PCDH9: variants seen among roughly 807,000 people sequenced by gnomAD.
PCDH9 encodes the protein protocadherin-9.
A neutral mutation model predicts 70.6 loss-of-function variants in PCDH9; 24 were observed. The observed-to-expected ratio is 0.34, with a 90% CI of 0.25 to 0.48. The LOEUF (loss-of-function observed/expected upper bound fraction) is 0.48, where lower values mean the gene tolerates loss of function less well. PCDH9 is among the 20% of genes least tolerant of loss of function. The pLI is 0.99. For synonymous variants in PCDH9, 562 were observed against 558.5 expected, an observed-to-expected ratio of 1.01 and a Z score of -0.09; for missense variants, 1,281 against 1,503.6, an observed-to-expected ratio of 0.85 and a Z score of 2.45.
chr13:66,777,592 C>A (rs1278424009), intron 3 of PCDH9, among the ~76,000 whole-genome samples: 1 of 152,048 alleles, frequency 6.6e-6, no homozygotes, highest in Non-Finnish European at 1.5e-5. Context: ...TACCATCTCA[C>A]ACCAGTTAGA....
intron 4 of PCDH9, among the ~76,000 whole-genome samples, chr13:66,584,749 T>C (rs779772741): frequency 1.3e-5 from 2 of 152,022 alleles, no homozygotes; most frequent in South Asian, 4.2e-4. Context: ...GGAATGGTAG[T>C]TGATAGAGGA....
chr13:66,814,840 T>A (rs767663050), intron 3 of PCDH9, among the ~76,000 whole-genome samples: 1 of 152,118 alleles, frequency 6.6e-6, no homozygotes, highest in Non-Finnish European at 1.5e-5. Flanking sequence ...ATTCTGGACA[T>A]AGGACCTGGC....
At chr13:67,107,863 G>A (rs1004139644) in intron 2 of PCDH9, among the ~76,000 whole-genome samples, 16 of 152,296 alleles carry the variant, frequency 1.1e-4, no homozygotes, top group African/African-American at 3.8e-4. Context: ...CCCCAAGCCA[G>A]GGCTGTAACA....
At chr13:66,782,454 G>A (rs897190074) in intron 3 of PCDH9, among the ~76,000 whole-genome samples, 25 of 151,960 alleles carry the variant, frequency 1.6e-4, no homozygotes, top group African/African-American at 5.8e-4. Flanking sequence ...CACAACACAC[G>A]ATTAATGAAC....
intron 3 of PCDH9, among the ~76,000 whole-genome samples, chr13:66,704,618 A>G (rs1277296194): frequency 3.3e-5 from 5 of 152,188 alleles, no homozygotes; most frequent in African/African-American, 7.2e-5. Flanking sequence ...GTAGGAAATT[A>G]TTATAATATC....
chr13:66,710,770 A>AT (rs58204394), intron 3 of PCDH9, among the ~76,000 whole-genome samples: 4 of 151,630 alleles, frequency 2.6e-5, no homozygotes, highest in Admixed American at 1.3e-4. Flanking sequence ...TGCCTTTTTC[A>AT]TTTTTTTAAA....
chr13:66,557,020 A>T (rs1369260152), intron 4 of PCDH9, among the ~76,000 whole-genome samples: 4 of 152,206 alleles, frequency 2.6e-5, no homozygotes, highest in African/African-American at 9.6e-5. Flanking sequence ...CACTGCTTTA[A>T]CAGATTACAG....
chr13:66,386,676 G>A (rs1244607762), intron 4 of PCDH9, among the ~76,000 whole-genome samples: 1 of 152,068 alleles, frequency 6.6e-6, no homozygotes, highest in African/African-American at 2.4e-5. Context: ...TTCATATAGT[G>A]ATTGGCAGGA....
At chr13:67,076,589 C>T (rs2085882766) in intron 2 of PCDH9, among the ~76,000 whole-genome samples, 2 of 152,136 alleles carry the variant, frequency 1.3e-5, no homozygotes, top group Non-Finnish European at 1.5e-5. Context: ...GGAAAGACTT[C>T]TCCACTGAAG....
chr13:66,962,109 G>A (rs1376819381), intron 2 of PCDH9, among the ~76,000 whole-genome samples: 2 of 151,780 alleles, frequency 1.3e-5, no homozygotes, highest in East Asian at 3.9e-4. Flanking sequence ...GATATCTTTG[G>A]CTAATAAAAA....
intron 3 of PCDH9, among the ~76,000 whole-genome samples, chr13:66,798,897 C>T (rs1269168197): frequency 6.6e-6 from 1 of 152,018 alleles, no homozygotes; most frequent in Non-Finnish European, 1.5e-5. Context: ...CTAATTGCAA[C>T]ATTTGCCTCC....
chr13:67,193,623 T>C (rs1209276930), intron 2 of PCDH9, among the ~76,000 whole-genome samples: 1 of 152,166 alleles, frequency 6.6e-6, no homozygotes, highest in Non-Finnish European at 1.5e-5. Flanking sequence ...AAATAATGCC[T>C]TGTGCAGAGC....
rs192998393 is a variant in PCDH9 at position 67,126,736 on chromosome 13, G to A, written c.3036+98669C>T. On this transcript the variant is annotated intron_variant, in intron 2 of 4. Coordinates refer to ENST00000377865, the MANE Select transcript of PCDH9 (RefSeq NM_203487.3). ...GTGGTGGCACATGCCTGTAAGCCTG[G>A]CTACTTGGGAGGCTGAGGTGGGAGA... 9.2e-5 allele frequency among the ~76,000 whole-genome samples: 14 copies of A among 152,220 alleles called. No individual in the cohort carries two copies. In the East Asian group the frequency reaches 2.7e-3, roughly 29 times the overall value.
chr13:66,474,843 G>A lies in PCDH9; in HGVS notation c.3340+156367C>T, dbSNP rs1194492288. On this transcript the variant is annotated intron_variant, in intron 4 of 4. Coordinates refer to ENST00000377865, the MANE Select transcript of PCDH9 (RefSeq NM_203487.3). ...ATTCCAGAGTTCTTAAATTTTGGTC[G>A]CTAAGGTTTCTGTCCTTAGTACTAA... Among the ~76,000 whole-genome samples the A allele has an allele frequency of 3.3e-5, 5 of 151,950 alleles. No homozygotes were observed. The South Asian group carries it at 6.2e-4, about 19-fold the overall frequency.
chr13:66,800,609 A>T (rs2080311759), intron 3 of PCDH9, among the ~76,000 whole-genome samples: 1 of 152,146 alleles, frequency 6.6e-6, no homozygotes. Context: ...CAAATGGATA[A>T]ATAAAAAGTA....
chr13:66,457,967 G>A (rs1673592910), intron 4 of PCDH9, among the ~76,000 whole-genome samples: 1 of 151,870 alleles, frequency 6.6e-6, no homozygotes, highest in Admixed American at 6.6e-5. Flanking sequence ...TAAGTTTTGT[G>A]TGTATATATA....
intron 2 of PCDH9, among the ~76,000 whole-genome samples, chr13:67,063,508 G>T (rs527787547): frequency 8.2e-4 from 99 of 121,252 alleles, no homozygotes; most frequent in African/African-American, 2.7e-3. Flanking sequence ...GAGGCTCATA[G>T]AATTTAAAAA....
At chr13:66,601,387 G>T (rs1201994261) in intron 4 of PCDH9, among the ~76,000 whole-genome samples, 1 of 145,624 alleles carries the variant, frequency 6.9e-6, no homozygotes, top group Non-Finnish European at 1.5e-5. Flanking sequence ...AATTACATTG[G>T]CTACTTATAT....
chr13:67,194,168 A>T (rs2088994821), intron 2 of PCDH9, among the ~76,000 whole-genome samples: 1 of 152,134 alleles, frequency 6.6e-6, no homozygotes, highest in South Asian at 2.1e-4. Flanking sequence ...TTTGTGCCAG[A>T]TACTTTTCTA....
Sources: gnomAD v4.1 joint callset for allele counts (sites outside exome capture counted in the v4.1 genomes callset) on GRCh38, gnomAD v4.1.1 for gene constraint, MANE v1.5 for transcripts, NCBI Gene and HGNC (gene_info 2026-07-23, HGNC 2026-07-21) for gene names.